Variants in TYRP1 observed in about 807,000 individuals in gnomAD.
The protein encoded by TYRP1 is tyrosinase related protein 1.
TYRP1 carries 49 observed loss-of-function variants against 42.8 expected under a neutral mutation model. The observed-to-expected ratio is 1.14, with a 90% confidence interval of 0.91 to 1.45. TYRP1 has a LOEUF of 1.45. Ranked by LOEUF, TYRP1 falls within the 40% of genes most tolerant of loss-of-function variation. The probability of loss-of-function intolerance (pLI) is 0.00; values close to 1 mark genes in which losing one functional copy is unlikely to be tolerated. For synonymous variants in TYRP1, 279 were observed against 235.4 expected, an observed-to-expected ratio of 1.19 and a Z score of -1.69; for missense variants, 848 against 662.0, an observed-to-expected ratio of 1.28 and a Z score of -3.08.
Position 12,709,079 on chromosome 9 carries a change from G to T in TYRP1, c.1511G>T (p.Arg504Ile). The T allele has an allele frequency of 6.2e-7, 1 of 1,612,812 alleles. No individual in the cohort carries two copies. The highest frequency in any genetic ancestry group is 1.7e-4 in the Middle Eastern group (1 of 6,054). The change falls in exon 8 of 8, where the codon AGA becomes ATA. Residue 504 changes from arginine (R) to isoleucine (I), a missense_variant. Arg to Ile is a moderately conservative substitution (Grantham distance 97). Transcript: ENST00000388918. ...FGTASYLIRARRSMDEANQPL... is the reference protein window; with the variant it reads ...FGTASYLIRAIRSMDEANQPL... Reference sequence around the variant, plus strand: ...ACTGCTTCTTATCTGATTCGTGCCAGACGCAGTATGGATGAAGCTAACCAG... The same window carrying T: ...ACTGCTTCTTATCTGATTCGTGCCATACGCAGTATGGATGAAGCTAACCAG...
Position 12,709,185 on chromosome 9 carries a change from AAT to A in TYRP1, c.*4_*5del. ...ATCCTAATCAGTCTGTGGTCTAACAAATGCCCTACTCTCTTATGCATTAGTAT... is the reference window on the plus strand; with the variant it reads ...ATCCTAATCAGTCTGTGGTCTAACAAGCCCTACTCTCTTATGCATTAGTAT... On this transcript the variant is annotated 3_prime_UTR_variant, in exon 8 of 8. Transcript: ENST00000388918. The A allele has an allele frequency of 6.2e-7, 1 of 1,612,060 alleles. No individual in the cohort carries two copies. Among genetic ancestry groups the A allele is most frequent in the Non-Finnish European group, 8.5e-7 (1 of 1,178,626 alleles).
Position 12,693,954 on chromosome 9 carries a change from G to C in TYRP1, c.-43G>C, listed in dbSNP as rs981499705. The C allele has an allele frequency of 6.2e-7, 1 of 1,611,534 alleles. No homozygotes were observed. The highest frequency in any genetic ancestry group is 1.1e-5 in the South Asian group (1 of 90,824). ...TGCTTCAGTCTTCTCTACACAAAGA[G>C]CTGCAAACCAGGTCTTTGTTTTGCA... On this transcript the variant is annotated 5_prime_UTR_variant, in exon 2 of 8. Transcript: ENST00000388918.
At chr9:12,708,230 G>A in intron 7 of TYRP1, 87 bp downstream of exon 7, 1 of 1,507,732 alleles carries the variant, frequency 6.6e-7, no homozygotes, top group Non-Finnish European at 9.1e-7. Context: ...GTATTCTGAA[G>A]CTATGTTTTC....
chr9:12,694,009 A>C lies in TYRP1; in HGVS notation c.13A>C (p.Lys5Gln). 1 of 1,613,856 alleles carries C rather than the reference A, an allele frequency of 6.2e-7. No individual in the cohort carries two copies. Among genetic ancestry groups the C allele is most frequent in the Non-Finnish European group, 8.5e-7 (1 of 1,179,970 alleles). Residue 5 changes from lysine (K) to glutamine (Q), a missense_variant, in exon 2 of 8, where the codon AAA becomes CAA. Coordinates refer to ENST00000388918, the MANE Select transcript of TYRP1 (RefSeq NM_000550.3). The stretch of plus-strand genomic sequence containing the variant: ...TATTTCAAGCAGAATGAGTGCTCCT[A>C]AACTCCTCTCTCTGGGCTGTATCTT... MSAPKLLSLGCIFFP... is the reference protein window; with the variant it reads MSAPQLLSLGCIFFP...
chr9:12,694,281 C>A lies in TYRP1; in HGVS notation c.285C>A (p.Phe95Leu). 3 of 1,613,860 alleles carry A rather than the reference C, an allele frequency of 1.9e-6. No individual in the cohort carries two copies. Among genetic ancestry groups the A allele is most frequent in the Non-Finnish European group, 2.5e-6 (3 of 1,179,956 alleles). ...DDREVWPLRF[F>L]NRTCHCNGNF... ...GGGAGGTCTGGCCCTTGCGCTTCTT[C>A]AATAGGACATGTCACTGCAACGGCA... The change falls in exon 2 of 8, where the codon TTC (phenylalanine) becomes TTA (leucine). Residue 95 changes from phenylalanine to leucine, a missense_variant. Transcript: ENST00000388918.
chr9:12,698,224 G>C (rs1487366699), intron 3 of TYRP1, among the ~76,000 whole-genome samples: 1 of 152,088 alleles, frequency 6.6e-6, no homozygotes, highest in African/African-American at 2.4e-5. Flanking sequence ...TGCATAATGA[G>C]TTGAGTTTCA....
chr9:12,698,324 GA>G (rs1818109490), intron 3 of TYRP1, 126 bp from the exon 4 acceptor site: 1 of 918,008 alleles, frequency 1.1e-6, no homozygotes, highest in Admixed American at 2.0e-5. Flanking sequence ...AGACACCGTT[GA>G]TATACTAACC....
chr9:12,694,152 G>A lies in TYRP1; in HGVS notation c.156G>A (p.Gly52=). ...CPDLSPVSGP[G]TDRCGSSSGR... ...ACCTGTCCCCTGTGTCTGGGCCTGG[G>A]ACAGACCGCTGTGGCTCATCATCAG... Residue 52 remains glycine (G), a synonymous_variant, in exon 2 of 8, where the codon GGG becomes GGA. Coordinates refer to ENST00000388918, the MANE Select transcript of TYRP1 (RefSeq NM_000550.3). 2 of 1,614,058 alleles carry A rather than the reference G, an allele frequency of 1.2e-6. No homozygotes were observed. Among genetic ancestry groups the A allele is most frequent in the South Asian group, 1.1e-5 (1 of 91,080 alleles).
chr9:12,698,769 A>G (rs921521704), intron 4 of TYRP1, 114 bp downstream of exon 4: 1 of 1,003,768 alleles, frequency 1.0e-6, no homozygotes, highest in Non-Finnish European at 1.5e-6. Context: ...ATCTACTTTT[A>G]TTATAGAGTA....
At position 12,694,254 on chromosome 9, in the gene TYRP1, T is replaced by A; in HGVS notation, c.258T>A (p.Asp86Glu). ...SPQYPHDGRD[D>E]REVWPLRFFN... Reference sequence around the variant, plus strand: ...AGTATCCCCATGATGGCAGAGATGATCGGGAGGTCTGGCCCTTGCGCTTCT... The same window carrying A: ...AGTATCCCCATGATGGCAGAGATGAACGGGAGGTCTGGCCCTTGCGCTTCT... Residue 86 changes from aspartate to glutamate, a missense_variant, in exon 2 of 8, where the codon GAT becomes GAA. Transcript: ENST00000388918. The A allele has an allele frequency of 6.2e-7, 1 of 1,613,776 alleles. No individual in the cohort carries two copies. The highest frequency in any genetic ancestry group is 8.5e-7 in the Non-Finnish European group (1 of 1,179,900).
Position 12,709,042 on chromosome 9 carries a change from C to T in TYRP1, c.1474C>T (p.Leu492Phe), listed in dbSNP as rs890993799. Reference sequence around the variant, plus strand: ...AGTTGGCGCTTTGTTACTGGTTGCACTCATTTTTGGGACTGCTTCTTATCT... The same window carrying T: ...AGTTGGCGCTTTGTTACTGGTTGCATTCATTTTTGGGACTGCTTCTTATCT... ...AVVGALLLVALIFGTASYLIR... is the reference protein window; with the variant it reads ...AVVGALLLVAFIFGTASYLIR... Residue 492 changes from leucine (L) to phenylalanine (F), a missense_variant, in exon 8 of 8, where the codon CTC (leucine) becomes TTC (phenylalanine). Transcript: ENST00000388918. 2 of 1,612,620 alleles carry T rather than the reference C, an allele frequency of 1.2e-6. No homozygotes were observed. Among genetic ancestry groups the T allele is most frequent in the Non-Finnish European group, 8.5e-7 (1 of 1,179,258 alleles).
rs770141693 is a variant in TYRP1 at position 12,698,646 on chromosome 9, C to G, written c.904C>G (p.Leu302Val). 36 of 1,613,304 alleles carry G rather than the reference C, an allele frequency of 2.2e-5. No homozygotes were observed. Among genetic ancestry groups the G allele is most frequent in the Non-Finnish European group, 3.1e-5 (36 of 1,179,548 alleles). Residue 302 changes from leucine to valine, a missense_variant, in exon 4 of 8, where the codon CTT becomes GTT. Physicochemically the swap from Leu to Val is conservative, Grantham distance 32. Coordinates refer to ENST00000388918, the MANE Select transcript of TYRP1 (RefSeq NM_000550.3). Reference sequence around the variant, plus strand: ...GGAAGATTATGATACCCTGGGAACACTTTGTAACAGTAAGTTCCAAATGAT... The same window carrying G: ...GGAAGATTATGATACCCTGGGAACAGTTTGTAACAGTAAGTTCCAAATGAT... ...SLEDYDTLGT[L>V]CNSTEDGPIR...
intron 6 of TYRP1, among the ~76,000 whole-genome samples, chr9:12,706,579 A>G (rs1360709475): frequency 6.6e-6 from 1 of 151,972 alleles, no homozygotes; most frequent in Non-Finnish European, 1.5e-5. Context: ...AAAATAGGAA[A>G]CTACCCTGCA....
At position 12,709,059 on chromosome 9, in the gene TYRP1, T is replaced by G. The variant is rs752241768; in HGVS notation, c.1491T>G (p.Ala497=). 5.0e-6 allele frequency: 8 copies of G among 1,612,784 alleles called. No homozygotes were observed. In the African/African-American group the frequency reaches 9.4e-5, roughly 19 times the overall value. Residue 497 remains alanine (A), a synonymous_variant, in exon 8 of 8, where the codon GCT becomes GCG. Transcript: ENST00000388918. The part of the protein sequence containing the change: ...LLLVALIFGT[A]SYLIRARRSM... ...TGGTTGCACTCATTTTTGGGACTGC[T>G]TCTTATCTGATTCGTGCCAGACGCA...
At position 12,697,201 on chromosome 9, in the gene TYRP1, G is replaced by A. The variant is rs77072920; in HGVS notation, c.709-1250G>A. Among the ~76,000 whole-genome samples, 940 of 152,238 alleles carry A rather than the reference G, an allele frequency of 6.2e-3. 11 individuals carry two copies. The highest frequency in any genetic ancestry group is 0.021 in the African/African-American group (882 of 41,532). The stretch of plus-strand genomic sequence containing the variant: ...ATGGGCACACCAAAATGAAAGGGCA[G>A]GTGGAAAGTATCTAAAAGCTTCAAT... On this transcript the variant is annotated intron_variant, in intron 3 of 7. Coordinates refer to ENST00000388918, the MANE Select transcript of TYRP1 (RefSeq NM_000550.3).
At chr9:12,700,125 A>G (rs1818142397) in intron 4 of TYRP1, 1 of 152,090 alleles carries the variant, frequency 6.6e-6, no homozygotes, top group Admixed American at 6.6e-5. Flanking sequence ...CATTTTATTG[A>G]ACATATATTA....
At position 12,694,121 on chromosome 9, in the gene TYRP1, G is replaced by A. The variant is rs1818037736; in HGVS notation, c.125G>A (p.Cys42Tyr). Residue 42 changes from cysteine to tyrosine, a missense_variant, in exon 2 of 8, where the codon TGC becomes TAC. By Grantham distance (194) the Cys-to-Tyr change is radical. Transcript: ENST00000388918. ...GAGGCTTTGAGAAGTGGTATGTGTT[G>A]CCCAGACCTGTCCCCTGTGTCTGGG... Reference protein sequence around the residue: ...TVEALRSGMCCPDLSPVSGPG... With the variant: ...TVEALRSGMCYPDLSPVSGPG... 3.1e-6 allele frequency: 5 copies of A among 1,613,902 alleles called. No individual in the cohort carries two copies. The highest frequency in any genetic ancestry group is 2.5e-6 in the Non-Finnish European group (3 of 1,180,020).
intron 3 of TYRP1, among the ~76,000 whole-genome samples, chr9:12,696,205 G>C (rs1000628435): frequency 6.6e-6 from 1 of 152,040 alleles, no homozygotes; most frequent in African/African-American, 2.4e-5. Context: ...CCTCCTCCTG[G>C]TCAAGTGATG....
chr9:12,701,737 T>C (rs1818172031), intron 4 of TYRP1: 1 of 154,674 alleles, frequency 6.5e-6, no homozygotes, highest in African/African-American at 2.4e-5. Flanking sequence ...TTCACAAAGT[T>C]TCATTATTTC....
Sources: gnomAD v4.1 joint callset for allele counts (sites outside exome capture counted in the v4.1 genomes callset) on GRCh38, gnomAD v4.1.1 for gene constraint, MANE v1.5 for transcripts, NCBI Gene and HGNC (gene_info 2026-07-23, HGNC 2026-07-21) for gene names.